The following PCDHGB1 variants were observed in gnomAD, a reference collection of about 807,000 sequenced individuals.
The protein encoded by PCDHGB1 is protocadherin gamma-B1.
In PCDHGB1, 34 loss-of-function variants were observed where a neutral mutation model predicts 56.6. The ratio of observed to expected loss-of-function variants is 0.60; its 90% CI spans 0.46 to 0.80. The LOEUF (loss-of-function observed/expected upper bound fraction) is 0.80, where lower values mean the gene tolerates loss of function less well. Among genes scored for constraint, PCDHGB1 ranks in the 30% least tolerant of loss-of-function variants. The probability of loss-of-function intolerance (pLI) is 0.00; values close to 1 mark genes in which losing one functional copy is unlikely to be tolerated. For missense variants in PCDHGB1, 1,278 were observed against 1,204.6 expected (o/e 1.06, Z -0.90); for synonymous variants, 561 against 505.9 (o/e 1.11, Z -1.46).
chr5:141,450,826 A>ATTTT (rs764729742), intron 1 of PCDHGB1, among the ~76,000 whole-genome samples: 5 of 134,360 alleles, frequency 3.7e-5, no homozygotes, highest in East Asian at 2.1e-4. Flanking sequence ...TATTATTATT[A>ATTTT]TTATTTTTTT....
intron 1 of PCDHGB1, chr5:141,393,169 T>A: frequency 6.2e-7 from 1 of 1,613,090 alleles, no homozygotes; most frequent in African/African-American, 1.3e-5. Context: ...CTCTTTGGGG[T>A]AGAAATAGAA....
intron 1 of PCDHGB1, chr5:141,419,412 G>A (rs770138290): frequency 1.9e-6 from 3 of 1,613,446 alleles, no homozygotes; most frequent in South Asian, 2.2e-5. Context: ...TTCGCGCAGC[G>A]CGCCTTCGAC....
At chr5:141,426,963 C>G (rs1008659501) in intron 1 of PCDHGB1, 1 of 456,646 alleles carries the variant, frequency 2.2e-6, no homozygotes, top group African/African-American at 2.0e-5. Flanking sequence ...TGCTGCAATT[C>G]AAATTGAGGT....
At chr5:141,423,463 G>T (rs772779471) in intron 1 of PCDHGB1, 22 of 1,613,992 alleles carry the variant, frequency 1.4e-5, no homozygotes, top group Non-Finnish European at 1.8e-5. Context: ...AGGCGTGGAC[G>T]GGGTACAGGC....
In PCDHGB1 at chr5:141,409,417, G is replaced by A. The variant is rs774453166; in HGVS notation, c.2409+56748G>A. ...CTTCCAATAACTACTACAAACTGGT[G>A]ACAGATGGAGCCCTGGACCGAGAGC... On this transcript the variant is annotated intron_variant, in intron 1 of 3. Transcript: ENST00000523390. The A allele has an allele frequency of 5.6e-6, 9 of 1,613,880 alleles. No individual in the cohort carries two copies. The South Asian group carries it at 8.8e-5, about 16-fold the overall frequency.
chr5:141,456,426 A>G (rs2098857765), intron 1 of PCDHGB1, among the ~76,000 whole-genome samples: 1 of 152,210 alleles, frequency 6.6e-6, no homozygotes, highest in Non-Finnish European at 1.5e-5. Context: ...AATTCAAGTT[A>G]TAGTATTGAG....
At chr5:141,395,478 T>G in intron 1 of PCDHGB1, 1 of 546,140 alleles carries the variant, frequency 1.8e-6, no homozygotes, top group Non-Finnish European at 3.1e-6. Context: ...CAGTATTTTA[T>G]TCCTATTATC....
chr5:141,392,892 G>C, intron 1 of PCDHGB1: 1 of 1,613,702 alleles, frequency 6.2e-7, no homozygotes, highest in East Asian at 2.2e-5. Flanking sequence ...GTGGGAAATC[G>C]GGAGGGGACA....
At chr5:141,374,976 C>T (rs774690686) in intron 1 of PCDHGB1, 1 of 1,614,016 alleles carries the variant, frequency 6.2e-7, no homozygotes, top group South Asian at 1.1e-5. Context: ...AATGTTTTGA[C>T]TGGAGAAATT....
intron 1 of PCDHGB1, chr5:141,408,971 C>A: frequency 6.2e-7 from 1 of 1,613,816 alleles, no homozygotes; most frequent in Non-Finnish European, 8.5e-7. Context: ...AAATCTGCCC[C>A]CTGGGTCCCC....
rs776721321 is a variant in PCDHGB1, at chr5:141,431,084, C to A, written c.2410-63723C>A. ...CAAGTGTCAATTAAATCTAGACATT[C>A]TGATGGAGGATAAAGTGAAAATATA... is the stretch of plus-strand genomic sequence containing the variant. On this transcript the variant is annotated intron_variant, in intron 1 of 3. Coordinates refer to ENST00000523390, the MANE Select transcript of PCDHGB1 (RefSeq NM_018922.3). This position sits in a 1 kb window ranked among gnomAD's most constrained non-coding sequence, Gnocchi z 4.8. The A allele has an allele frequency of 1.2e-6, 2 of 1,614,060 alleles. No homozygotes were observed. Among genetic ancestry groups the A allele is most frequent in the Non-Finnish European group, 1.7e-6 (2 of 1,180,002 alleles).
chr5:141,369,637 T>C (rs976124194), intron 1 of PCDHGB1, among the ~76,000 whole-genome samples: 1 of 152,212 alleles, frequency 6.6e-6, no homozygotes, highest in Admixed American at 6.5e-5. Context: ...CTTTAACTTC[T>C]TTTGGGGGGA....
chr5:141,403,006 G>C (rs536630249), intron 1 of PCDHGB1: 3 of 1,613,888 alleles, frequency 1.9e-6, no homozygotes, highest in Non-Finnish European at 2.5e-6. Context: ...TGCTATGCTC[G>C]CTCCTGGGGA....
chr5:141,457,270 T>C (rs1338894991), intron 1 of PCDHGB1, among the ~76,000 whole-genome samples: 2 of 152,234 alleles, frequency 1.3e-5, no homozygotes. Flanking sequence ...TTCCCCTCTG[T>C]GGGCCTACGA....
At chr5:141,375,364 A>T (rs771379372) in intron 1 of PCDHGB1, 1 of 1,613,786 alleles carries the variant, frequency 6.2e-7, no homozygotes, top group African/African-American at 1.3e-5. Context: ...CCACGGACAA[A>T]GGAACACCAC....
rs759226115 is a variant in PCDHGB1 at position 141,405,385 on chromosome 5, AT to A, written c.2409+52724del. On this transcript the variant is annotated intron_variant, in intron 1 of 3. Transcript: ENST00000523390. ...ACACCCCTTTGGTTCCGGTGAGTTC[AT>A]TTTTTTTCTTTCTTTCTTTTCTTTT... 1.8e-5 allele frequency: 29 copies of A among 1,599,886 alleles called. No homozygotes were observed. In the East Asian group the frequency reaches 2.2e-4, roughly 12 times the overall value.
At chr5:141,405,364 C>T in intron 1 of PCDHGB1, 1 of 1,613,548 alleles carries the variant, frequency 6.2e-7, no homozygotes, top group Non-Finnish European at 8.5e-7. Flanking sequence ...TAGAAGACAC[C>T]CCTTTGGTTC....
intron 1 of PCDHGB1, chr5:141,410,314 C>T: frequency 6.2e-7 from 1 of 1,614,036 alleles, no homozygotes; most frequent in Non-Finnish European, 8.5e-7. Context: ...TGCTCTTCCT[C>T]CTCGCCGTGA....
chr5:141,423,756 GGGGGTGGGGC>G, intron 1 of PCDHGB1: 1 of 448,620 alleles, frequency 2.2e-6, no homozygotes, highest in Non-Finnish European at 3.0e-6. Context: ...TGTTTGGGGG[GGGGGTGGGGC>G]GGCATATATT....
Sources: allele counts gnomAD v4.1 joint callset (sites outside exome capture counted in the v4.1 genomes callset), GRCh38; gene constraint gnomAD v4.1.1; non-coding constraint Gnocchi (gnomAD v3.1); transcripts MANE v1.5; gene names NCBI Gene and HGNC (gene_info 2026-07-23, HGNC 2026-07-21).